Variants in GNLY observed in about 807,000 individuals in gnomAD.
GNLY encodes the protein T-cell activation protein 519.
Under a neutral mutation model 18.5 loss-of-function variants are expected in GNLY, and 15 were observed. The ratio of observed to expected loss-of-function variants is 0.81; its 90% CI spans 0.54 to 1.25. GNLY has a LOEUF of 1.25. Ranked by LOEUF, GNLY falls within the 50% of genes most tolerant of loss-of-function variation. The pLI is 0.00. For missense variants in GNLY, 178 were observed against 186.9 expected (o/e 0.95, Z 0.28); for synonymous variants, 77 against 74.9 (o/e 1.03, Z -0.14).
At chr2:85,694,718 A>G (rs2104442239) in intron 1 of GNLY, 1 of 1,436,800 alleles carries the variant, frequency 7.0e-7, no homozygotes, top group Non-Finnish European at 9.1e-7. Flanking sequence ...TACTGGCCAC[A>G]CTGTGTGGCC....
At chr2:85,695,547 C>A (rs1422026856) in intron 2 of GNLY, 124 bp downstream of exon 2, 7 of 663,830 alleles carry the variant, frequency 1.1e-5, no homozygotes, top group Non-Finnish European at 1.6e-5. Context: ...TGGGCTGTTT[C>A]TGACGATGCT....
Position 85,698,767 on chromosome 2 carries a change from T to G in GNLY, c.*193T>G. The stretch of plus-strand genomic sequence containing the variant: ...GCAAGATTTTAGCCGCAGCTGCTTC[T>G]TCTTTGGTGGATTTGAGGGGTGGGT... On this transcript the variant is annotated 3_prime_UTR_variant, in exon 5 of 5. Coordinates refer to ENST00000263863, the MANE Select transcript of GNLY (RefSeq NM_006433.5). The G allele has an allele frequency of 6.6e-7, 1 of 1,515,678 alleles. No homozygotes were observed. The highest frequency in any genetic ancestry group is 8.8e-7 in the Non-Finnish European group (1 of 1,133,914). The allele number at this position is 1,515,678 out of a possible 1,614,324, so 93.9% of individuals were successfully genotyped here.
rs906643986 is a variant in GNLY, at chr2:85,695,236, C to G, written c.53-84C>G. The G allele has an allele frequency of 2.9e-6, 3 of 1,017,304 alleles. No homozygotes were observed. In the Admixed American group the frequency reaches 5.8e-5, roughly 20 times the overall value. The allele number at this position is 1,017,304 out of a possible 1,614,324, so 63.0% of individuals were successfully genotyped here. A position where few individuals can be genotyped will look rare whatever the true frequency, so the allele number is the denominator to read the frequency against. ...AGCTCCTGTCCTAGGCCCTGGTCAC[C>G]TCCTGGACTCCCACCAGCCAGGAGA... On this transcript the variant is annotated intron_variant, in intron 1 of 4. Transcript: ENST00000263863.
In GNLY at chr2:85,697,561, G is replaced by A. The variant is rs754711820; in HGVS notation, c.311G>A (p.Arg104His). The A allele has an allele frequency of 1.7e-5, 28 of 1,612,972 alleles. No individual in the cohort carries two copies. The highest frequency in any genetic ancestry group is 5.5e-5 in the South Asian group (5 of 91,032). The change falls in exon 4 of 5, where the codon CGC (arginine) becomes CAC (histidine). Residue 104 changes from arginine (R) to histidine (H), a missense_variant. Transcript: ENST00000263863. ...TGTAGGACGGGGAGGTCACGATGGC[G>A]CGACGTCTGCAGAAATTTCATGAGG... ...RVCRTGRSRW[R>H]DVCRNFMRRY...
chr2:85,695,593 C>T (rs1678412035), intron 2 of GNLY, among the ~76,000 whole-genome samples, 170 bp downstream of exon 2: 1 of 152,144 alleles, frequency 6.6e-6, no homozygotes, highest in Admixed American at 6.5e-5. Flanking sequence ...AGGAGGGCTA[C>T]AGGTATCTGG....
intron 1 of GNLY, 187 bp downstream of exon 1, chr2:85,694,657 C>T: frequency 8.6e-7 from 1 of 1,163,150 alleles, no homozygotes; most frequent in South Asian, 1.6e-5. Flanking sequence ...CCCAGCCTGT[C>T]ACTGGCCTGG....
In GNLY at chr2:85,697,529, C is replaced by T; in HGVS notation, c.279C>T (p.Thr93=). ...AGAGAAGTGTTTCCAATGCTGCGACCCGGGTGTGTAGGACGGGGAGGTCAC... is the reference window on the plus strand; with the variant it reads ...AGAGAAGTGTTTCCAATGCTGCGACTCGGGTGTGTAGGACGGGGAGGTCAC... The part of the protein sequence containing the change: ...PTQRSVSNAA[T]RVCRTGRSRW... The change falls in exon 4 of 5, where the codon ACC becomes ACT. Residue 93 remains threonine, a synonymous_variant. Coordinates refer to ENST00000263863, the MANE Select transcript of GNLY (RefSeq NM_006433.5). The T allele has an allele frequency of 6.2e-7, 1 of 1,612,818 alleles. No individual in the cohort carries two copies. The highest frequency in any genetic ancestry group is 1.3e-5 in the African/African-American group (1 of 74,994).
Position 85,694,376 on chromosome 2 carries a change from C to T in GNLY, c.-43C>T, listed in dbSNP as rs754713211. 4.0e-5 allele frequency: 64 copies of T among 1,582,890 alleles called. 1 individual carries two copies. In the South Asian group the frequency reaches 6.7e-4, roughly 17 times the overall value. ...AAAGATTAAGCTGCAGGCTCCCTGCCCATAAAACAGGGTGTGAAAGGCATC... is the reference window on the plus strand; with the variant it reads ...AAAGATTAAGCTGCAGGCTCCCTGCTCATAAAACAGGGTGTGAAAGGCATC... On this transcript the variant is annotated 5_prime_UTR_variant, in exon 1 of 5. Transcript: ENST00000263863.
intron 3 of GNLY, 29 bp from the exon 4 acceptor site, chr2:85,697,477 C>G: frequency 6.2e-7 from 1 of 1,604,714 alleles, no homozygotes. Flanking sequence ...CACCCTATAA[C>G]CATGTCCACT....
At chr2:85,696,569 T>C (rs1217150317) in intron 3 of GNLY, 2 of 154,182 alleles carry the variant, frequency 1.3e-5, no homozygotes, top group African/African-American at 4.8e-5. Flanking sequence ...AGATAGGATC[T>C]TACTCTGAGA....
At chr2:85,694,552 C>T in intron 1 of GNLY, 82 bp downstream of exon 1, 1 of 1,406,942 alleles carries the variant, frequency 7.1e-7, no homozygotes, top group South Asian at 1.2e-5. Context: ...AGCTTGGACT[C>T]TGTGGGCACC....
In GNLY at chr2:85,694,490, A is replaced by T. The variant is rs374509494; in HGVS notation, c.52+20A>T. 9.9e-6 allele frequency: 16 copies of T among 1,610,362 alleles called. No homozygotes were observed. In the African/African-American group the frequency reaches 1.3e-4, roughly 13 times the overall value. Reference sequence around the variant, plus strand: ...ACCCAGGTAAGGCCTTCCCCTCGGGATCGATCCTGATGGCCCACCCAGCCT... The same window carrying T: ...ACCCAGGTAAGGCCTTCCCCTCGGGTTCGATCCTGATGGCCCACCCAGCCT... On this transcript the variant is annotated intron_variant, in intron 1 of 4. Coordinates refer to ENST00000263863, the MANE Select transcript of GNLY (RefSeq NM_006433.5).
At position 85,696,052 on chromosome 2, in the gene GNLY, C is replaced by G. The variant is rs141685032; in HGVS notation, c.251C>G (p.Thr84Ser). 164 of 1,573,250 alleles carry G rather than the reference C, an allele frequency of 1.0e-4. No individual in the cohort carries two copies. The highest frequency in any genetic ancestry group is 1.7e-4 in the Middle Eastern group (1 of 5,906). ...QKLKKMVDKP[T>S]QRSVSNAATR... ...CTGAAGAAGATGGTGGATAAGCCCA[C>G]CCAGGTGAGGCCAAGGGGCTACAGA... Residue 84 changes from threonine (T) to serine (S), a missense_variant, in exon 3 of 5, where the codon ACC (threonine) becomes AGC (serine). Thr to Ser is a moderately conservative substitution (Grantham distance 58). Transcript: ENST00000263863.
chr2:85,698,696 C>A lies in GNLY; in HGVS notation c.*122C>A. ...GAATCCACTCTCCAGTCTCCCTCCC[C>A]TGACTCCCTCTGCTGTCCTCCCCTC... On this transcript the variant is annotated 3_prime_UTR_variant, in exon 5 of 5. Coordinates refer to ENST00000263863, the MANE Select transcript of GNLY (RefSeq NM_006433.5). The A allele has an allele frequency of 6.3e-7, 1 of 1,595,042 alleles. No homozygotes were observed. The highest frequency in any genetic ancestry group is 2.3e-5 in the East Asian group (1 of 44,420).
chr2:85,698,788 T>C lies in GNLY; in HGVS notation c.*214T>C. 2 of 1,496,738 alleles carry C rather than the reference T, an allele frequency of 1.3e-6. No individual in the cohort carries two copies. Among genetic ancestry groups the C allele is most frequent in the Non-Finnish European group, 1.8e-6 (2 of 1,124,824 alleles). The allele number at this position is 1,496,738 out of a possible 1,614,324, so 92.7% of individuals were successfully genotyped here. ...CTTCTTCTTTGGTGGATTTGAGGGG[T>C]GGGTGTCAGTGGCATGCTGGGGTGA... On this transcript the variant is annotated 3_prime_UTR_variant, in exon 5 of 5. Transcript: ENST00000263863.
chr2:85,698,412 T>C, intron 4 of GNLY, 152 bp from the exon 5 acceptor site: 3 of 1,309,440 alleles, frequency 2.3e-6, no homozygotes, highest in South Asian at 1.2e-5. Flanking sequence ...CACAACCTGC[T>C]CAGGCTGCCG....
intron 1 of GNLY, chr2:85,694,952 CT>C: frequency 6.3e-7 from 1 of 1,590,724 alleles, no homozygotes; most frequent in African/African-American, 1.3e-5. Context: ...GGCAAGAACA[CT>C]TCTGGAAGGG....
chr2:85,698,374 G>C, intron 4 of GNLY, 190 bp from the exon 5 acceptor site: 1 of 870,542 alleles, frequency 1.1e-6, no homozygotes, highest in Non-Finnish European at 1.9e-6. Context: ...CCTGTCATTG[G>C]AGCTTGTGGC....
In GNLY at chr2:85,695,959, G is replaced by T. The variant is rs577851040; in HGVS notation, c.158G>T (p.Gly53Val). ...CATAAGGGCTTTCTTTCCTGACAGG[G>T]TGACCTGTTGACCAAAACACAGGAG... ...CPCLAQEGPQ[G>V]DLLTKTQELG... Residue 53 changes from glycine to valine, a missense_variant and splice_region_variant, in exon 3 of 5, where the codon GGT becomes GTT. Transcript: ENST00000263863. 20 of 1,588,072 alleles carry T rather than the reference G, an allele frequency of 1.3e-5. No individual in the cohort carries two copies. Among genetic ancestry groups the T allele is most frequent in the Non-Finnish European group, 1.6e-5 (19 of 1,156,474 alleles).
Sources: allele counts gnomAD v4.1 joint callset (sites outside exome capture counted in the v4.1 genomes callset), GRCh38; gene constraint gnomAD v4.1.1; transcripts MANE v1.5; gene names NCBI Gene and HGNC (gene_info 2026-07-23, HGNC 2026-07-21).